Variants in GDF6 observed in about 807,000 individuals in gnomAD.
GDF6 encodes growth/differentiation factor 6.
A neutral mutation model predicts 32.4 loss-of-function variants in GDF6; 3 were observed. That is an observed-to-expected ratio of 0.09 (90% CI 0.04 to 0.24). GDF6 has a LOEUF of 0.24. GDF6 is among the 10% of genes least tolerant of loss of function. The pLI is 1.00. For missense variants in GDF6, 589 were observed against 637.9 expected (o/e 0.92, Z 0.83); for synonymous variants, 296 against 295.3 (o/e 1.00, Z -0.03).
chr8:96,144,436 G>T lies in GDF6; in HGVS notation c.*127C>A. On this transcript the variant is annotated 3_prime_UTR_variant, in exon 2 of 2. Transcript: ENST00000287020. This position sits in a 1 kb window ranked among gnomAD's most constrained non-coding sequence, Gnocchi z 5.1. ...CTCTCCCACCGGCTCTCACATCCAGGCTGTTCCCTCACCCTCAGCCTCCCC... is the reference window on the plus strand; with the variant it reads ...CTCTCCCACCGGCTCTCACATCCAGTCTGTTCCCTCACCCTCAGCCTCCCC... The T allele has an allele frequency of 8.7e-7, 1 of 1,152,824 alleles. No homozygotes were observed. The highest frequency in any genetic ancestry group is 1.2e-6 in the Non-Finnish European group (1 of 814,706). 71.4% of individuals were successfully genotyped at this position (1,152,824 alleles called of 1,614,324 possible).
chr8:96,158,984 C>G lies in GDF6; in HGVS notation c.406+1303G>C, dbSNP rs1193881882. Among the ~76,000 whole-genome samples, 6 of 125,296 alleles carry G rather than the reference C, an allele frequency of 4.8e-5. No individual in the cohort carries two copies. The East Asian group carries it at 1.3e-3, about 27-fold the overall frequency. 82.2% of individuals were successfully genotyped at this position (125,296 alleles called of 152,430 possible). On this transcript the variant is annotated intron_variant, in intron 1 of 1. Transcript: ENST00000287020. ...CGGGGACTGGAGCCGGGGAAGAGCT[C>G]GGGGCTGGGGGCGGGGGGGCCGTTA...
rs146035423 is a variant in GDF6 at position 96,146,097 on chromosome 8, A to C, written c.407-573T>G. On this transcript the variant is annotated intron_variant, in intron 1 of 1. Coordinates refer to ENST00000287020, the MANE Select transcript of GDF6 (RefSeq NM_001001557.4). ...TCCCAGTAACACTCTGTCTGCCTCC[A>C]CCAACCCACGGGAGCTAGGCCGATG... Among the ~76,000 whole-genome samples, 5 of 152,198 alleles carry C rather than the reference A, an allele frequency of 3.3e-5. No homozygotes were observed. The East Asian group carries it at 9.7e-4, about 29-fold the overall frequency.
At chr8:96,148,760 C>T (rs1003037517) in intron 1 of GDF6, among the ~76,000 whole-genome samples, 3 of 152,196 alleles carry the variant, frequency 2.0e-5, no homozygotes, top group African/African-American at 7.2e-5. Flanking sequence ...TTCTACCTCT[C>T]CCAGCCCATT....
chr8:96,153,434 C>A (rs1464482433), intron 1 of GDF6, among the ~76,000 whole-genome samples: 1 of 152,210 alleles, frequency 6.6e-6, no homozygotes, highest in Non-Finnish European at 1.5e-5. Flanking sequence ...ACTGTTCCCG[C>A]GCTGAGCCCT....
chr8:96,159,697 C>T (rs957971443), intron 1 of GDF6, among the ~76,000 whole-genome samples: 11 of 152,348 alleles, frequency 7.2e-5, no homozygotes, highest in African/African-American at 2.6e-4. Context: ...AGCCGGAGGG[C>T]GCAGGGCTCC....
intron 1 of GDF6, among the ~76,000 whole-genome samples, chr8:96,148,807 T>G (rs990596678): frequency 3.3e-5 from 5 of 152,204 alleles, no homozygotes; most frequent in African/African-American, 1.2e-4. Flanking sequence ...TTTTATCCTT[T>G]CAGCCACAAG....
intron 1 of GDF6, among the ~76,000 whole-genome samples, chr8:96,159,158 A>C (rs540305590): frequency 6.6e-6 from 1 of 152,176 alleles, no homozygotes; most frequent in African/African-American, 2.4e-5. Context: ...AAGTCTAGGG[A>C]GGATGGAGGA....
intron 1 of GDF6, among the ~76,000 whole-genome samples, chr8:96,155,071 G>T (rs899464987): frequency 6.6e-6 from 1 of 152,210 alleles, no homozygotes; most frequent in Non-Finnish European, 1.5e-5. Flanking sequence ...TCTGTGGTCT[G>T]AGTGACTTTT....
Position 96,160,778 on chromosome 8 carries a change from GC to G in GDF6, c.-87del. On this transcript the variant is annotated 5_prime_UTR_variant, in exon 1 of 2. Coordinates refer to ENST00000287020, the MANE Select transcript of GDF6 (RefSeq NM_001001557.4). ...ACGGAGCGGCTGGACAGCGGCCGGG[GC>G]CCGGCTCCTCGGGCGGACTCGGAGT... 7.2e-7 allele frequency: 1 copy of G among 1,382,780 alleles called. No individual in the cohort carries two copies. The highest frequency in any genetic ancestry group is 1.0e-6 in the Non-Finnish European group (1 of 1,003,390). The allele number at this position is 1,382,780 out of a possible 1,614,324, so 85.7% of individuals were successfully genotyped here. A position where few individuals can be genotyped will look rare whatever the true frequency, so the allele number is the denominator to read the frequency against.
chr8:96,153,047 A>G (rs572626359), intron 1 of GDF6, among the ~76,000 whole-genome samples: 3 of 152,180 alleles, frequency 2.0e-5, no homozygotes, highest in Non-Finnish European at 4.4e-5. Context: ...CGCACCCCTC[A>G]CCTCGGGGCC....
Position 96,144,244 on chromosome 8 carries a change from TAGAGAGAGAGAGAGAGAGAGAG to T in GDF6, c.*297_*318del, listed in dbSNP as rs71275339. 3.1e-4 allele frequency: 72 copies of T among 234,966 alleles called. No individual in the cohort carries two copies. Among genetic ancestry groups the T allele is most frequent in the South Asian group, 1.2e-3 (38 of 31,226 alleles). The allele number at this position is 234,966 out of a possible 1,614,324, so 14.6% of individuals were successfully genotyped here. A position where few individuals can be genotyped will look rare whatever the true frequency, so the allele number is the denominator to read the frequency against. ...ATAAGGAAATCCAAAGCCACAGTAA[TAGAGAGAGAGAGAGAGAGAGAG>T]AGAGAGAGAGAGAGAGAGAGAGAGA... On this transcript the variant is annotated 3_prime_UTR_variant, in exon 2 of 2. Transcript: ENST00000287020. This position sits in a 1 kb window ranked among gnomAD's most constrained non-coding sequence, Gnocchi z 5.1.
At chr8:96,158,271 C>T (rs935483308) in intron 1 of GDF6, among the ~76,000 whole-genome samples, 13 of 152,198 alleles carry the variant, frequency 8.5e-5, no homozygotes, top group African/African-American at 2.7e-4. Flanking sequence ...ACATGCAATC[C>T]CTCCTCTATC....
chr8:96,147,221 G>C (rs551044089), intron 1 of GDF6, among the ~76,000 whole-genome samples: 1 of 152,166 alleles, frequency 6.6e-6, no homozygotes, highest in Non-Finnish European at 1.5e-5. Flanking sequence ...TCACTCTTAC[G>C]CACATGCCCC....
intron 1 of GDF6, among the ~76,000 whole-genome samples, chr8:96,152,502 T>C (rs1310445819): frequency 6.6e-6 from 1 of 151,978 alleles, no homozygotes; most frequent in African/African-American, 2.4e-5. Context: ...CAGTCTGGGG[T>C]GGGGATAAGG....
intron 1 of GDF6, among the ~76,000 whole-genome samples, chr8:96,155,614 G>A (rs1812648064): frequency 6.6e-6 from 1 of 152,194 alleles, no homozygotes; most frequent in Non-Finnish European, 1.5e-5. Flanking sequence ...ACACTTGAAC[G>A]CTTAGCAAGT....
In GDF6 at chr8:96,145,576, C is replaced by T; in HGVS notation, c.407-52G>A. Reference sequence around the variant, plus strand: ...AGTTTCACTTAAGGGGGAGATCAGCCCGGTGCTCTTCGGCCGCCCCGGGAG... The same window carrying T: ...AGTTTCACTTAAGGGGGAGATCAGCTCGGTGCTCTTCGGCCGCCCCGGGAG... On this transcript the variant is annotated intron_variant, in intron 1 of 1. Transcript: ENST00000287020. The surrounding 1 kb of genome is among the most constrained non-coding windows in gnomAD (Gnocchi z 5.6). 1 of 1,595,778 alleles carries T rather than the reference C, an allele frequency of 6.3e-7. No homozygotes were observed. The highest frequency in any genetic ancestry group is 8.5e-7 in the Non-Finnish European group (1 of 1,178,898).
rs1197752993 is a variant in GDF6 at position 96,160,458 on chromosome 8, G to C, written c.235C>G (p.Gln79Glu). 6.2e-7 allele frequency: 1 copy of C among 1,613,402 alleles called. No individual in the cohort carries two copies. The highest frequency in any genetic ancestry group is 1.3e-5 in the African/African-American group (1 of 75,072). ...CCTGGCGGCTCCTGCGCCCGGGGCT[G>C]CTGAGCCCGGGGTTCGTCCTGAGGC... The part of the protein sequence containing the change: ...PRPQDEPRAQ[Q>E]PRAQEPPGRG... The change falls in exon 1 of 2, where the codon CAG (glutamine) becomes GAG (glutamate). Residue 79 changes from glutamine (Q) to glutamate (E), a missense_variant. Physicochemically the swap from Gln to Glu is conservative, Grantham distance 29 (BLOSUM62 2). This residue lies in a region of GDF6 where 436 missense variants were observed against 411.2 expected (regional missense o/e 1.06). Coordinates refer to ENST00000287020, the MANE Select transcript of GDF6 (RefSeq NM_001001557.4).
At chr8:96,158,840 C>A (rs1812713594) in intron 1 of GDF6, among the ~76,000 whole-genome samples, 1 of 152,182 alleles carries the variant, frequency 6.6e-6, no homozygotes, top group Admixed American at 6.5e-5. Flanking sequence ...GCCCTAAAAT[C>A]ATCATAAAAT....
intron 1 of GDF6, among the ~76,000 whole-genome samples, chr8:96,157,839 G>A (rs1024640142): frequency 1.3e-5 from 2 of 152,170 alleles, no homozygotes; most frequent in African/African-American, 4.8e-5. Flanking sequence ...TGCTAAGCAA[G>A]CCCCGGAAGG....
Sources: allele counts gnomAD v4.1 joint callset (sites outside exome capture counted in the v4.1 genomes callset), GRCh38; gene constraint gnomAD v4.1.1; regional missense constraint gnomAD v4.1.1; non-coding constraint Gnocchi (gnomAD v3.1); transcripts MANE v1.5; gene names NCBI Gene and HGNC (gene_info 2026-07-23, HGNC 2026-07-21).